DMD: variants seen among roughly 807,000 people sequenced by gnomAD.
DMD encodes the protein dystrophin.
DMD carries 63 observed loss-of-function variants against 330.1 expected under a neutral mutation model. That is an observed-to-expected ratio of 0.19 (90% CI 0.16 to 0.24). The LOEUF (loss-of-function observed/expected upper bound fraction) is 0.24, where lower values mean the gene tolerates loss of function less well. DMD is among the 10% of genes least tolerant of loss of function. DMD has a pLI of 1.00. For synonymous variants in DMD, 1,223 were observed against 959.8 expected (o/e 1.27, Z -5.07); for missense variants, 3,344 against 2,684.1 (o/e 1.25, Z -5.43).
At chrX:32,810,940 T>G (rs1019347162) in intron 6 of DMD, among the ~76,000 whole-genome samples, 1 of 111,246 alleles carries the variant, frequency 9.0e-6, no homozygotes, top group Admixed American at 9.6e-5. Context: ...TGGAATTCGC[T>G]TTTCGAAGAC....
intron 7 of DMD, among the ~76,000 whole-genome samples, chrX:32,774,643 A>G (rs1456825757): frequency 1.8e-5 from 2 of 111,049 alleles, no homozygotes; most frequent in Non-Finnish European, 3.8e-5. Flanking sequence ...GAGAACTATC[A>G]TGAGTGCAGC....
intron 44 of DMD, among the ~76,000 whole-genome samples, chrX:32,010,279 T>C (rs2095696566): frequency 8.9e-6 from 1 of 112,058 alleles, no homozygotes; most frequent in Admixed American, 9.5e-5. Flanking sequence ...TTATCTATTA[T>C]ATCTGGGTAA....
intron 44 of DMD, among the ~76,000 whole-genome samples, chrX:32,056,552 C>A (rs990074789): frequency 2.7e-5 from 3 of 110,485 alleles, no homozygotes; most frequent in Admixed American, 9.7e-5. Flanking sequence ...TTGAAACATG[C>A]AATCTACCAA....
At chrX:32,457,089 C>T (rs183861037) in intron 25 of DMD, among the ~76,000 whole-genome samples, 1 of 108,303 alleles carries the variant, frequency 9.2e-6, no homozygotes, top group East Asian at 2.9e-4. Context: ...ACAGACTGAG[C>T]CCTGGAACAC....
chrX:32,790,852 A>T (rs556365342), intron 7 of DMD, among the ~76,000 whole-genome samples: 2 of 111,502 alleles, frequency 1.8e-5, no homozygotes, highest in African/African-American at 6.5e-5. Context: ...GCCACAGTGT[A>T]GCCAACACTG....
intron 1 of DMD, among the ~76,000 whole-genome samples, chrX:33,075,708 C>T (rs768811463): frequency 2.7e-5 from 3 of 112,024 alleles, no homozygotes; most frequent in Non-Finnish European, 3.8e-5. Context: ...ACCACCATTG[C>T]AAAATTATAA....
intron 9 of DMD, among the ~76,000 whole-genome samples, chrX:32,657,679 T>C (rs924150355): frequency 2.7e-5 from 3 of 112,219 alleles, no homozygotes; most frequent in Non-Finnish European, 5.6e-5. Flanking sequence ...CAGTATTTGG[T>C]TGGAATTCAT....
intron 1 of DMD, among the ~76,000 whole-genome samples, chrX:33,269,752 C>A (rs1184380702): frequency 9.1e-6 from 1 of 110,302 alleles, no homozygotes; most frequent in Non-Finnish European, 1.9e-5. Flanking sequence ...TTATATATGA[C>A]TTAAGTTTAT....
intron 43 of DMD, among the ~76,000 whole-genome samples, chrX:32,261,002 T>A (rs1021980174): frequency 9.0e-6 from 1 of 110,854 alleles, no homozygotes; most frequent in African/African-American, 3.3e-5. Context: ...GGTTAGAAAA[T>A]CAAATGCCTT....
At chrX:32,451,602 T>C (rs1481008351) in intron 26 of DMD, among the ~76,000 whole-genome samples, 5 of 94,107 alleles carry the variant, frequency 5.3e-5, no homozygotes, top group Admixed American at 2.4e-4. Flanking sequence ...AGCACTTCCA[T>C]TTTCAGGTAA....
intron 7 of DMD, among the ~76,000 whole-genome samples, chrX:32,754,385 C>T (rs2071216085): frequency 9.1e-6 from 1 of 109,909 alleles, no homozygotes; most frequent in Admixed American, 9.8e-5. Flanking sequence ...ACCACTCTGC[C>T]CTCCTGACTA....
At chrX:31,547,317 T>C (rs761063024) in intron 55 of DMD, among the ~76,000 whole-genome samples, 12 of 112,266 alleles carry the variant, frequency 1.1e-4, no homozygotes, top group African/African-American at 3.9e-4. Flanking sequence ...ACGCTAAGAT[T>C]GGCATGGTGT....
intron 44 of DMD, among the ~76,000 whole-genome samples, chrX:31,980,406 G>A (rs932641167): frequency 3.6e-5 from 4 of 111,942 alleles, no homozygotes; most frequent in Admixed American, 1.9e-4. Flanking sequence ...AATCTCAAAA[G>A]TAGTATGCTG....
At chrX:31,285,228 G>C (rs1439729135) in intron 62 of DMD, among the ~76,000 whole-genome samples, 1 of 111,663 alleles carries the variant, frequency 9.0e-6, no homozygotes, top group Non-Finnish European at 1.9e-5. Context: ...ACAACAAAGA[G>C]GGCCATTGGA....
chrX:32,706,446 C>T (rs1159034547), intron 7 of DMD, among the ~76,000 whole-genome samples: 1 of 110,073 alleles, frequency 9.1e-6, no homozygotes, highest in East Asian at 2.9e-4. Context: ...CCCAGGTGAT[C>T]CCAGCTATTC....
At chrX:31,305,099 T>C (rs902378411) in intron 62 of DMD, among the ~76,000 whole-genome samples, 10 of 111,826 alleles carry the variant, frequency 8.9e-5, no homozygotes, top group African/African-American at 3.2e-4. Context: ...CTTTAAGACA[T>C]CTCTTTAAAA....
Position 31,226,743 on chromosome X carries a change from T to A in DMD, c.9287-3622A>T, listed in dbSNP as rs188866258. 2.7e-5 allele frequency among the ~76,000 whole-genome samples: 3 copies of A among 111,911 alleles called. No homozygotes were observed. In the Admixed American group the frequency reaches 2.8e-4, roughly 11 times the overall value. ...TCCTCCCCTCCAGATTGGTGCAACA[T>A]CCTTCACCAGTACCATCAAATTTTT... On this transcript the variant is annotated intron_variant, in intron 63 of 78. Coordinates refer to ENST00000357033, the MANE Select transcript of DMD (RefSeq NM_004006.3).
chrX:32,133,000 T>C (rs1206277371), intron 44 of DMD, among the ~76,000 whole-genome samples: 122 of 35,481 alleles, frequency 3.4e-3, no homozygotes, highest in African/African-American at 0.011. Flanking sequence ...TTTCTTTTTT[T>C]TTTTTTTTTT....
Position 32,644,142 on chromosome X carries a change from T to C in DMD, c.1321A>G (p.Lys441Glu), listed in dbSNP as rs2059641037. The change falls in exon 11 of 79, where the codon AAA becomes GAA. Residue 441 changes from lysine to glutamate, a missense_variant. Transcript: ENST00000357033. ...CAAATAAGGACTTACTTGCTTTGTT[T>C]TTCCATGCTAGCTACCCTGAGGCAT... ...WECLRVASME[K>E]QSNLHRVLMD... is the part of the protein sequence containing the mutation. 3.3e-6 allele frequency: 4 copies of C among 1,207,994 alleles called. No individual in the cohort carries two copies. The highest frequency in any genetic ancestry group is 4.5e-6 in the Non-Finnish European group (4 of 893,419).
Sources: allele counts gnomAD v4.1 joint callset (sites outside exome capture counted in the v4.1 genomes callset), GRCh38; gene constraint gnomAD v4.1.1; transcripts MANE v1.5; gene names NCBI Gene and HGNC (gene_info 2026-07-23, HGNC 2026-07-21).